Variants in BBS9 observed in about 807,000 individuals in gnomAD.
The protein encoded by BBS9 is protein PTHB1.
A neutral mutation model predicts 117.7 loss-of-function variants in BBS9; 89 were observed. The observed-to-expected ratio is 0.76, with a 90% confidence interval of 0.64 to 0.90. The LOEUF is 0.90. Among genes scored for constraint, BBS9 ranks in the 40% least tolerant of loss-of-function variants. The pLI is 0.00. For synonymous variants in BBS9, 379 were observed against 370.9 expected, an observed-to-expected ratio of 1.02 and a Z score of -0.25; for missense variants, 982 against 1,042.2, an observed-to-expected ratio of 0.94 and a Z score of 0.80.
At chr7:33,280,269 G>T (rs911069771) in intron 9 of BBS9, among the ~76,000 whole-genome samples, 1 of 152,128 alleles carries the variant, frequency 6.6e-6, no homozygotes, top group Non-Finnish European at 1.5e-5. Context: ...TACAGATTCT[G>T]TCACCCGGGT....
chr7:33,400,836 A>G (rs1238851116), intron 19 of BBS9, among the ~76,000 whole-genome samples: 4 of 152,230 alleles, frequency 2.6e-5, no homozygotes, highest in Non-Finnish European at 5.9e-5. Context: ...TATGAGGCCC[A>G]GCTGTATAGC....
chr7:33,211,703 A>G (rs1023832200), intron 5 of BBS9, among the ~76,000 whole-genome samples: 12 of 152,044 alleles, frequency 7.9e-5, no homozygotes, highest in African/African-American at 2.9e-4. Flanking sequence ...CCTTCAGGTG[A>G]TTTATTCTTT....
intron 21 of BBS9, among the ~76,000 whole-genome samples, chr7:33,547,330 T>C (rs1853563516): frequency 1.3e-5 from 2 of 152,180 alleles, no homozygotes; most frequent in Non-Finnish European, 2.9e-5. Flanking sequence ...TCTCCTTTTG[T>C]TTTTCCCTTA....
intron 4 of BBS9, among the ~76,000 whole-genome samples, chr7:33,167,564 A>C (rs933204137): frequency 6.6e-6 from 1 of 151,936 alleles, no homozygotes; most frequent in Non-Finnish European, 1.5e-5. Flanking sequence ...CACCATGTCC[A>C]GCTAATTTTT....
chr7:33,486,448 A>T (rs181187029), intron 19 of BBS9, among the ~76,000 whole-genome samples: 1 of 152,348 alleles, frequency 6.6e-6, no homozygotes, highest in Non-Finnish European at 1.5e-5. Context: ...TTTAAATCAA[A>T]TTGTATTTTC....
At chr7:33,214,892 T>G (rs2128229851) in intron 5 of BBS9, among the ~76,000 whole-genome samples, 1 of 152,246 alleles carries the variant, frequency 6.6e-6, no homozygotes, top group South Asian at 2.1e-4. Context: ...AAAGCATCCC[T>G]AATAAAAAGA....
chr7:33,326,270 C>T (rs1812824031), intron 9 of BBS9, among the ~76,000 whole-genome samples: 1 of 151,214 alleles, frequency 6.6e-6, no homozygotes, highest in Non-Finnish European at 1.5e-5. Flanking sequence ...GAATCTCTCC[C>T]TATTACTACC....
intron 9 of BBS9, among the ~76,000 whole-genome samples, chr7:33,303,866 C>T (rs957725474): frequency 1.9e-4 from 29 of 152,180 alleles, no homozygotes; most frequent in Non-Finnish European, 3.7e-4. Context: ...ACAAGGTCCA[C>T]CTCCCAGCCG....
chr7:33,386,517 G>T (rs953139317), intron 18 of BBS9, among the ~76,000 whole-genome samples: 1 of 150,662 alleles, frequency 6.6e-6, no homozygotes, highest in Non-Finnish European at 1.5e-5. Flanking sequence ...TTGAGACGGG[G>T]TCTCGCTCTG....
Position 33,265,312 on chromosome 7 carries a change from A to AATCAG in BBS9, c.702+941_702+945dup. On this transcript the variant is annotated intron_variant, in intron 7 of 22. Transcript: ENST00000242067. Reference sequence around the variant, plus strand: ...GAAGGGTAACTTGGAAAGAGTCAAGAATCAGATGAAGATATATTTTTTTTC... The same window carrying AATCAG: ...GAAGGGTAACTTGGAAAGAGTCAAGAATCAGATCAGATGAAGATATATTTTTTTTC... Among the ~76,000 whole-genome samples, 2 of 152,294 alleles carry AATCAG rather than the reference A, an allele frequency of 1.3e-5. 1 individual carries two copies. The highest frequency in any genetic ancestry group is 6.8e-3 in the Middle Eastern group (2 of 294).
chr7:33,528,507 GA>G (rs80003972), intron 20 of BBS9, among the ~76,000 whole-genome samples: 4 of 151,820 alleles, frequency 2.6e-5, no homozygotes, highest in African/African-American at 9.7e-5. Flanking sequence ...TAATTTGTTT[GA>G]AAAAAAGTTT....
intron 15 of BBS9, among the ~76,000 whole-genome samples, chr7:33,354,842 C>T (rs1262260716): frequency 1.3e-5 from 2 of 151,882 alleles, no homozygotes; most frequent in Non-Finnish European, 2.9e-5. Context: ...TGATTAATTG[C>T]ACCATAGTAG....
intron 19 of BBS9, among the ~76,000 whole-genome samples, chr7:33,456,652 G>A (rs930923633): frequency 2.0e-5 from 3 of 151,748 alleles, no homozygotes; most frequent in African/African-American, 7.3e-5. Flanking sequence ...CTAGATATGG[G>A]TAAATAAGTG....
chr7:33,378,493 G>A (rs1477403471), intron 17 of BBS9, among the ~76,000 whole-genome samples: 2 of 152,168 alleles, frequency 1.3e-5, no homozygotes, highest in African/African-American at 4.8e-5. Flanking sequence ...TTTAGAGAGG[G>A]AAGTCTTTGC....
At chr7:33,280,807 A>C (rs1422775609) in intron 9 of BBS9, among the ~76,000 whole-genome samples, 1 of 152,022 alleles carries the variant, frequency 6.6e-6, no homozygotes, top group African/African-American at 2.4e-5. Flanking sequence ...TCATAGAGGG[A>C]AGAAGGATTT....
At chr7:33,466,045 A>G (rs548412306) in intron 19 of BBS9, among the ~76,000 whole-genome samples, 1 of 152,112 alleles carries the variant, frequency 6.6e-6, no homozygotes, top group East Asian at 1.9e-4. Context: ...TTTAAAGTAT[A>G]TAACATTTTT....
Position 33,137,199 on chromosome 7 carries a change from C to T in BBS9, c.-12+7158C>T, listed in dbSNP as rs571007617. ...TGCCCTGAGCGCACACACACCTGGC[C>T]GGGTTGCGACAGCACCTGGGCTCGG... On this transcript the variant is annotated intron_variant, in intron 1 of 22. Coordinates refer to ENST00000242067, the MANE Select transcript of BBS9 (RefSeq NM_198428.3). 3.5e-4 allele frequency among the ~76,000 whole-genome samples: 54 copies of T among 152,210 alleles called. 1 individual carries two copies. The highest frequency in any genetic ancestry group is 3.4e-3 in the Middle Eastern group (1 of 294).
intron 21 of BBS9, among the ~76,000 whole-genome samples, chr7:33,574,384 A>G (rs1858359292): frequency 6.6e-6 from 1 of 152,096 alleles, no homozygotes; most frequent in African/African-American, 2.4e-5. Flanking sequence ...CACATTACAC[A>G]TATTAAAGCA....
intron 19 of BBS9, among the ~76,000 whole-genome samples, chr7:33,397,048 A>C (rs1189970434): frequency 6.6e-6 from 1 of 152,194 alleles, no homozygotes; most frequent in African/African-American, 2.4e-5. Context: ...AACCTACAGA[A>C]TGGGAGAAAA....
Sources: gnomAD v4.1 joint callset for allele counts (sites outside exome capture counted in the v4.1 genomes callset) on GRCh38, gnomAD v4.1.1 for gene constraint, MANE v1.5 for transcripts, NCBI Gene and HGNC (gene_info 2026-07-23, HGNC 2026-07-21) for gene names.